STPG2: variants seen among roughly 807,000 people sequenced by gnomAD.
STPG2 encodes the protein sperm-tail PG-rich repeat-containing protein 2.
STPG2 carries 56 observed loss-of-function variants against 54.2 expected under a neutral mutation model. The ratio of observed to expected loss-of-function variants is 1.03; its 90% confidence interval spans 0.83 to 1.29. The LOEUF (loss-of-function observed/expected upper bound fraction) is 1.29, where lower values mean the gene tolerates loss of function less well. Ranked by LOEUF, STPG2 falls within the 50% of genes most tolerant of loss-of-function variation. The pLI, the probability that STPG2 is intolerant of heterozygous loss-of-function variation, is 0.00. For synonymous variants in STPG2, 200 were observed against 181.8 expected (o/e 1.10, Z -0.81); for missense variants, 596 against 544.9 (o/e 1.09, Z -0.93).
intron 5 of STPG2, among the ~76,000 whole-genome samples, chr4:98,086,719 T>C (rs1026711650): frequency 6.7e-6 from 1 of 149,214 alleles, no homozygotes; most frequent in African/African-American, 2.5e-5. Context: ...CAGTTTCCAG[T>C]CTTAACCATT....
intron 4 of STPG2, among the ~76,000 whole-genome samples, chr4:97,475,701 C>G (rs1384098703): frequency 6.6e-6 from 1 of 152,034 alleles, no homozygotes; most frequent in African/African-American, 2.4e-5. Context: ...TTGCTCTGCT[C>G]TCCCCTAACA....
intron 8 of STPG2, among the ~76,000 whole-genome samples, chr4:97,882,503 T>G (rs1396370557): frequency 6.6e-6 from 1 of 152,098 alleles, no homozygotes; most frequent in Non-Finnish European, 1.5e-5. Flanking sequence ...TCAAAACAAC[T>G]GTGAAAGATC....
intron 5 of STPG2, among the ~76,000 whole-genome samples, chr4:98,001,955 A>G (rs990056498): frequency 6.6e-6 from 1 of 152,182 alleles, no homozygotes; most frequent in Admixed American, 6.6e-5. Context: ...GAGTATAAGT[A>G]TATTTAAAAA....
intron 5 of STPG2, among the ~76,000 whole-genome samples, chr4:98,040,113 G>T (rs908890119): frequency 6.6e-6 from 1 of 151,696 alleles, no homozygotes; most frequent in Admixed American, 6.6e-5. Flanking sequence ...TTGGCCACTT[G>T]TATATCTTCT....
chr4:97,775,052 A>T (rs1368957641), intron 9 of STPG2, among the ~76,000 whole-genome samples: 1 of 152,194 alleles, frequency 6.6e-6, no homozygotes, highest in African/African-American at 2.4e-5. Context: ...AATAGAATTA[A>T]ATTCTGATTA....
chr4:97,785,521 T>C (rs111422500), intron 9 of STPG2, among the ~76,000 whole-genome samples: 2,783 of 152,210 alleles, frequency 0.018, 78 homozygotes, highest in African/African-American at 0.063. Context: ...TTTGTGTTCA[T>C]ACAATGAAGA....
chr4:97,959,150 G>A (rs1733793551), intron 7 of STPG2, among the ~76,000 whole-genome samples: 1 of 152,030 alleles, frequency 6.6e-6, no homozygotes, highest in Non-Finnish European at 1.5e-5. Flanking sequence ...AATCAAGATG[G>A]AAATTAAAAG....
At chr4:97,591,146 TA>T (rs915560811) in intron 10 of STPG2, among the ~76,000 whole-genome samples, 4 of 152,120 alleles carry the variant, frequency 2.6e-5, no homozygotes, top group Non-Finnish European at 4.4e-5. Context: ...GATGAAATGA[TA>T]AGCATGTAAC....
At chr4:98,091,633 A>C (rs563934343) in intron 5 of STPG2, among the ~76,000 whole-genome samples, 106 of 152,184 alleles carry the variant, frequency 7.0e-4, no homozygotes, top group African/African-American at 2.4e-3. Flanking sequence ...TCCTTGATTC[A>C]AGAAGCTTTG....
intron 8 of STPG2, among the ~76,000 whole-genome samples, chr4:97,932,089 T>C (rs1203942978): frequency 1.3e-5 from 2 of 152,190 alleles, no homozygotes; most frequent in Non-Finnish European, 2.9e-5. Flanking sequence ...TGTAGTAACA[T>C]TCCCTTTGTC....
intron 9 of STPG2, among the ~76,000 whole-genome samples, chr4:97,719,653 A>G (rs1040967088): frequency 6.6e-6 from 1 of 151,942 alleles, no homozygotes; most frequent in African/African-American, 2.4e-5. Flanking sequence ...TCTCTGAAAT[A>G]TATCTGAATC....
At chr4:98,085,494 A>G (rs1440236743) in intron 5 of STPG2, among the ~76,000 whole-genome samples, 1 of 152,084 alleles carries the variant, frequency 6.6e-6, no homozygotes, top group Non-Finnish European at 1.5e-5. Context: ...TGACATCTTA[A>G]TAGTATTGCA....
chr4:97,740,342 T>C (rs1267302622), intron 9 of STPG2, among the ~76,000 whole-genome samples: 1 of 152,122 alleles, frequency 6.6e-6, no homozygotes, highest in Non-Finnish European at 1.5e-5. Flanking sequence ...CTATTCAACA[T>C]AGTGTTGGAA....
rs574528402 is a variant in STPG2 at position 97,757,894 on chromosome 4, G to A, written c.1205-45080C>T. 1.1e-3 allele frequency among the ~76,000 whole-genome samples: 169 copies of A among 152,246 alleles called. 1 individual carries two copies. The highest frequency in any genetic ancestry group is 3.7e-3 in the African/African-American group (155 of 41,568). On this transcript the variant is annotated intron_variant, in intron 9 of 10. Transcript: ENST00000295268. ...TACAAAATTAGAGAAAGACACTTAA[G>A]CTTTCTGAAACTTAGCCACCTACAA...
At chr4:97,695,111 C>T (rs1334853384) in intron 10 of STPG2, among the ~76,000 whole-genome samples, 3 of 150,162 alleles carry the variant, frequency 2.0e-5, no homozygotes, top group Non-Finnish European at 4.4e-5. Flanking sequence ...TAGTAGCTAG[C>T]CAAACCCAAA....
chr4:97,751,680 A>G (rs1488895844), intron 9 of STPG2, among the ~76,000 whole-genome samples: 1 of 151,798 alleles, frequency 6.6e-6, no homozygotes, highest in Non-Finnish European at 1.5e-5. Context: ...ACATAACTGA[A>G]TTGCCAAAGA....
At chr4:97,616,171 A>T (rs771567175) in intron 10 of STPG2, among the ~76,000 whole-genome samples, 1 of 146,490 alleles carries the variant, frequency 6.8e-6, no homozygotes, top group African/African-American at 2.5e-5. Context: ...TAAAGATGAG[A>T]TCATTTGGAA....
At chr4:97,679,874 T>C (rs1722975794) in intron 10 of STPG2, among the ~76,000 whole-genome samples, 1 of 151,924 alleles carries the variant, frequency 6.6e-6, no homozygotes, top group Non-Finnish European at 1.5e-5. Flanking sequence ...CACCATTTAT[T>C]AAATAGGGAA....
chr4:97,891,567 C>T (rs1005355349), intron 8 of STPG2, among the ~76,000 whole-genome samples: 35 of 151,874 alleles, frequency 2.3e-4, no homozygotes, highest in Admixed American at 9.9e-4. Flanking sequence ...AAATTATAAA[C>T]GTATTGCTTT....
Sources: allele counts gnomAD v4.1 joint callset (sites outside exome capture counted in the v4.1 genomes callset), GRCh38; gene constraint gnomAD v4.1.1; transcripts MANE v1.5; gene names NCBI Gene and HGNC (gene_info 2026-07-23, HGNC 2026-07-21).